CHST9: variants seen among roughly 807,000 people sequenced by gnomAD.
The protein encoded by CHST9 is carbohydrate sulfotransferase 9, also known as GalNAc-4-sulfotransferase 2.
A neutral mutation model predicts 44.4 loss-of-function variants in CHST9; 41 were observed. The observed-to-expected ratio is 0.92, with a 90% confidence interval of 0.72 to 1.20. CHST9 has a LOEUF of 1.20. Among genes scored for constraint, CHST9 ranks in the 50% most tolerant of loss-of-function variants. The pLI is 0.00. For synonymous variants in CHST9, 171 were observed against 178.4 expected (o/e 0.96, Z 0.33); for missense variants, 504 against 516.5 (o/e 0.98, Z 0.23).
chr18:26,965,650 A>T (rs557753472), intron 4 of CHST9, among the ~76,000 whole-genome samples: 2 of 152,360 alleles, frequency 1.3e-5, no homozygotes, highest in Admixed American at 1.3e-4. Flanking sequence ...TGGTATTGCT[A>T]TGAAGACTAA....
At chr18:27,012,162 C>G (rs577722402) in intron 4 of CHST9, among the ~76,000 whole-genome samples, 105 of 152,220 alleles carry the variant, frequency 6.9e-4, no homozygotes, top group African/African-American at 2.5e-3. Flanking sequence ...AATTTATGTA[C>G]TGTTGACCCT....
intron 4 of CHST9, among the ~76,000 whole-genome samples, chr18:26,987,730 G>A (rs907955628): frequency 6.6e-6 from 1 of 152,140 alleles, no homozygotes; most frequent in African/African-American, 2.4e-5. Context: ...GGTCTTTTGG[G>A]AGATGATTAG....
intron 4 of CHST9, among the ~76,000 whole-genome samples, chr18:27,001,380 T>C (rs920752609): frequency 6.6e-6 from 1 of 152,212 alleles, no homozygotes; most frequent in African/African-American, 2.4e-5. Flanking sequence ...AGATGCTGCA[T>C]CTAGTCCAAG....
At chr18:26,991,524 A>G (rs369676808) in intron 4 of CHST9, among the ~76,000 whole-genome samples, 1 of 152,094 alleles carries the variant, frequency 6.6e-6, no homozygotes. Context: ...ATGTGGTTGG[A>G]TATGAATTTG....
chr18:27,128,438 T>A (rs1478994876), intron 2 of CHST9, among the ~76,000 whole-genome samples: 2 of 151,974 alleles, frequency 1.3e-5, no homozygotes, highest in African/African-American at 4.8e-5. Context: ...CCCGGCTAAT[T>A]TTTGTATTTT....
At chr18:27,065,290 A>C (rs538083809) in intron 2 of CHST9, among the ~76,000 whole-genome samples, 45 of 152,320 alleles carry the variant, frequency 3.0e-4, no homozygotes, top group African/African-American at 1.0e-3. Flanking sequence ...TTTTTTTAAA[A>C]TTCTGGAATC....
At chr18:27,053,191 G>GAAGAAT (rs2057596711) in intron 2 of CHST9, among the ~76,000 whole-genome samples, 1 of 135,772 alleles carries the variant, frequency 7.4e-6, no homozygotes, top group South Asian at 2.5e-4. Flanking sequence ...AGAAGAAGAA[G>GAAGAAT]AAGAAAGAAC....
intron 1 of CHST9, among the ~76,000 whole-genome samples, chr18:27,173,438 T>C (rs919973349): frequency 2.0e-5 from 3 of 152,046 alleles, no homozygotes; most frequent in Non-Finnish European, 4.4e-5. Context: ...CGAGCACCAA[T>C]GTTTAGGAAA....
chr18:27,064,173 C>A (rs6508467), intron 2 of CHST9, among the ~76,000 whole-genome samples: 109,540 of 151,638 alleles, frequency 0.72, 40,013 homozygotes, highest in Non-Finnish European at 0.79. Context: ...AAACCCTGGG[C>A]AAGTGATAAT....
chr18:27,047,433 C>CT (rs1344624340), intron 3 of CHST9, among the ~76,000 whole-genome samples: 3 of 120,942 alleles, frequency 2.5e-5, no homozygotes, highest in South Asian at 5.1e-4. Context: ...CATGATCAGG[C>CT]TTTAAAAGGT....
At chr18:26,953,125 T>C (rs1324840307) in intron 4 of CHST9, among the ~76,000 whole-genome samples, 1 of 152,234 alleles carries the variant, frequency 6.6e-6, no homozygotes, top group Non-Finnish European at 1.5e-5. Context: ...GTATCTGTAT[T>C]GTACTATCTA....
intron 2 of CHST9, among the ~76,000 whole-genome samples, chr18:27,133,776 CT>C (rs1224423186): frequency 1.3e-5 from 2 of 152,150 alleles, no homozygotes; most frequent in African/African-American, 4.8e-5. Context: ...AAGCTGTACC[CT>C]GAAGGATTCA....
intron 1 of CHST9, among the ~76,000 whole-genome samples, chr18:27,161,647 T>A (rs2143930386): frequency 6.6e-6 from 1 of 152,048 alleles, no homozygotes; most frequent in South Asian, 2.1e-4. Context: ...CAGAGCTGAG[T>A]TCAATTCCTG....
chr18:27,034,569 G>C (rs2057372107), intron 3 of CHST9, among the ~76,000 whole-genome samples: 1 of 152,128 alleles, frequency 6.6e-6, no homozygotes, highest in Non-Finnish European at 1.5e-5. Flanking sequence ...CCCCATGTAA[G>C]CTGCATGCTG....
chr18:27,130,157 T>A (rs1354200277), intron 2 of CHST9, among the ~76,000 whole-genome samples: 1 of 152,164 alleles, frequency 6.6e-6, no homozygotes, highest in African/African-American at 2.4e-5. Context: ...AAGGAGTTTA[T>A]TTCTATTAGG....
intron 4 of CHST9, among the ~76,000 whole-genome samples, chr18:26,985,054 G>A (rs1289586369): frequency 1.3e-5 from 2 of 152,146 alleles, no homozygotes; most frequent in African/African-American, 4.8e-5. Flanking sequence ...GATATTTATT[G>A]TAATACTGTT....
chr18:27,113,055 G>C (rs901200458), intron 2 of CHST9, among the ~76,000 whole-genome samples: 5 of 152,086 alleles, frequency 3.3e-5, no homozygotes, highest in Admixed American at 6.5e-5. Flanking sequence ...CGGGCGTGGT[G>C]GTGGGCACCT....
intron 2 of CHST9, among the ~76,000 whole-genome samples, chr18:27,083,185 C>T (rs2057977404): frequency 6.6e-6 from 1 of 152,154 alleles, no homozygotes; most frequent in African/African-American, 2.4e-5. Context: ...ATTTAACTCA[C>T]ATTAAGCTTG....
chr18:27,049,993 C>T (rs2057546618), intron 2 of CHST9, among the ~76,000 whole-genome samples: 2 of 152,182 alleles, frequency 1.3e-5, no homozygotes, highest in Non-Finnish European at 1.5e-5. Flanking sequence ...GGCTCCGGTA[C>T]CACAAATCAA....
Sources: allele counts gnomAD v4.1 joint callset (sites outside exome capture counted in the v4.1 genomes callset), GRCh38; gene constraint gnomAD v4.1.1; transcripts MANE v1.5; gene names NCBI Gene and HGNC (gene_info 2026-07-23, HGNC 2026-07-21).